The following ADAMTS17 variants were observed in gnomAD, a reference collection of about 807,000 sequenced individuals.
ADAMTS17 encodes the protein A disintegrin and metalloproteinase with thrombospondin motifs 17.
Under a neutral mutation model 141.5 loss-of-function variants are expected in ADAMTS17, and 113 were observed. The ratio of observed to expected loss-of-function variants is 0.80; its 90% confidence interval spans 0.69 to 0.93. The LOEUF (loss-of-function observed/expected upper bound fraction) is 0.93. Ranked by LOEUF, ADAMTS17 falls within the 40% of genes least tolerant of loss-of-function variation. The pLI is 0.00. For missense variants in ADAMTS17, 1,659 were observed against 1,517.9 expected, an observed-to-expected ratio of 1.09 and a Z score of -1.54; for synonymous variants, 768 against 630.6, an observed-to-expected ratio of 1.22 and a Z score of -3.27.
At chr15:100,320,295 G>C (rs74037837) in intron 3 of ADAMTS17, among the ~76,000 whole-genome samples, 1,941 of 152,254 alleles carry the variant, frequency 0.013, 41 homozygotes, top group African/African-American at 0.044. Flanking sequence ...ACGTCTCCAC[G>C]AGAGGGAGGC....
chr15:100,140,484 C>CATATATATATATATATAT (rs1164353969), intron 10 of ADAMTS17, among the ~76,000 whole-genome samples: 456 of 40,662 alleles, frequency 0.011, 6 homozygotes, highest in Middle Eastern at 0.038. Flanking sequence ...CACACACATA[C>CATATATATATATATATAT]ATACATATAT....
At chr15:100,206,366 C>T (rs944973077) in intron 7 of ADAMTS17, among the ~76,000 whole-genome samples, 1 of 152,204 alleles carries the variant, frequency 6.6e-6, no homozygotes, top group Non-Finnish European at 1.5e-5. Flanking sequence ...GCCCAGGACA[C>T]CCCTCCCCTT....
At chr15:100,055,482 C>T (rs1275378066) in intron 15 of ADAMTS17, among the ~76,000 whole-genome samples, 1 of 152,142 alleles carries the variant, frequency 6.6e-6, no homozygotes, top group Non-Finnish European at 1.5e-5. Flanking sequence ...CAGGGCTTCT[C>T]GTGTTAGAGG....
chr15:99,989,346 G>GCCC (rs763136886), intron 20 of ADAMTS17, among the ~76,000 whole-genome samples: 1 of 152,216 alleles, frequency 6.6e-6, no homozygotes, highest in Non-Finnish European at 1.5e-5. Flanking sequence ...CTCCACTCCT[G>GCCC]CCCCGGACCC....
intron 7 of ADAMTS17, among the ~76,000 whole-genome samples, chr15:100,224,564 C>A (rs951711526): frequency 6.6e-6 from 1 of 152,224 alleles, no homozygotes; most frequent in African/African-American, 2.4e-5. Context: ...TGCCATTGTG[C>A]AGAGGCAAAA....
At chr15:100,081,696 G>A (rs1323560960) in intron 15 of ADAMTS17, among the ~76,000 whole-genome samples, 2 of 152,124 alleles carry the variant, frequency 1.3e-5, no homozygotes, top group Non-Finnish European at 1.5e-5. Flanking sequence ...AACACTATAC[G>A]AGAGTAAACG....
intron 3 of ADAMTS17, among the ~76,000 whole-genome samples, chr15:100,283,029 T>C (rs2044334662): frequency 6.6e-6 from 1 of 151,456 alleles, no homozygotes; most frequent in African/African-American, 2.4e-5. Context: ...TCCAGATTTA[T>C]ATAATATGCA....
At position 100,133,321 on chromosome 15, in the gene ADAMTS17, G is replaced by A. The variant is rs745440827; in HGVS notation, c.1474-6C>T. ...AGTCCAGCACACATTAGATGCTGCA[G>A]GACAAGGGAAGGAACCATAATTGTG... is the stretch of plus-strand genomic sequence containing the variant. On this transcript the variant is annotated splice_region_variant and splice_polypyrimidine_tract_variant and intron_variant, in intron 10 of 21. Transcript: ENST00000268070. 3.8e-6 allele frequency: 6 copies of A among 1,574,926 alleles called. No individual in the cohort carries two copies. In the South Asian group the frequency reaches 4.6e-5, roughly 12 times the overall value.
In ADAMTS17 at chr15:100,331,030, C is replaced by G; in HGVS notation, c.475G>C (p.Glu159Gln). Residue 159 changes from glutamate (E) to glutamine (Q), a missense_variant, in exon 3 of 22, where the codon GAG becomes CAG. Physicochemically the swap from Glu to Gln is conservative, Grantham distance 29. Transcript: ENST00000268070. Reference protein sequence around the residue: ...GLVGLIQLGQEQVLIQPLNNS... With the variant: ...GLVGLIQLGQQQVLIQPLNNS... ...TTGAGGGGCTGGATTAGCACCTGCT[C>G]CTGCCCAAGCTGAATGAGGCCAACC... 1.2e-6 allele frequency: 2 copies of G among 1,614,146 alleles called. No individual in the cohort carries two copies.
At position 100,193,498 on chromosome 15, in the gene ADAMTS17, G is replaced by C. The variant is rs566066131; in HGVS notation, c.1181+5820C>G. On this transcript the variant is annotated intron_variant, in intron 8 of 21. Coordinates refer to ENST00000268070, the MANE Select transcript of ADAMTS17 (RefSeq NM_139057.4). ...GCATGGCGGAAAGAGATGGTGGCAG[G>C]AATGTGGGCAAGGCCAGAAAGAGCA... Among the ~76,000 whole-genome samples, 76 of 152,296 alleles carry C rather than the reference G, an allele frequency of 5.0e-4. 1 individual carries two copies. The highest frequency in any genetic ancestry group is 1.7e-3 in the African/African-American group (69 of 41,566).
chr15:100,215,168 T>C (rs980285801), intron 7 of ADAMTS17, among the ~76,000 whole-genome samples: 5 of 152,220 alleles, frequency 3.3e-5, no homozygotes, highest in South Asian at 2.1e-4. Flanking sequence ...TGGAACGCAG[T>C]AGCAATACTA....
intron 15 of ADAMTS17, among the ~76,000 whole-genome samples, chr15:100,080,478 C>T (rs970569036): frequency 2.0e-5 from 3 of 152,242 alleles, no homozygotes; most frequent in Non-Finnish European, 2.9e-5. Context: ...TGGGAAACTA[C>T]AACAGCCCAA....
intron 15 of ADAMTS17, among the ~76,000 whole-genome samples, chr15:100,083,884 G>C (rs1358631987): frequency 1.3e-5 from 2 of 151,764 alleles, no homozygotes; most frequent in African/African-American, 4.8e-5. Context: ...GACCAAATAG[G>C]AACAGCTCCA....
intron 3 of ADAMTS17, among the ~76,000 whole-genome samples, chr15:100,295,459 T>C (rs1054290629): frequency 6.6e-6 from 1 of 152,118 alleles, no homozygotes; most frequent in Non-Finnish European, 1.5e-5. Flanking sequence ...AGGACAACTA[T>C]GGTTCCAGCC....
intron 3 of ADAMTS17, among the ~76,000 whole-genome samples, chr15:100,304,553 C>A (rs1171461893): frequency 2.6e-5 from 4 of 152,142 alleles, no homozygotes; most frequent in Non-Finnish European, 4.4e-5. Context: ...GGGAAGGGTT[C>A]CATCTGCAGG....
chr15:100,227,335 A>AC (rs2042341796), intron 7 of ADAMTS17, among the ~76,000 whole-genome samples: 2 of 872 alleles, frequency 2.3e-3, no homozygotes, highest in Non-Finnish European at 3.7e-3. Flanking sequence ...TTTCCCACCC[A>AC]CATCAGAAAT....
intron 15 of ADAMTS17, 111 bp from the exon 16 acceptor site, chr15:100,054,165 A>AG (rs2032371870): frequency 1.6e-6 from 2 of 1,214,514 alleles, no homozygotes; most frequent in African/African-American, 1.5e-5. Flanking sequence ...TCCCTTCCAC[A>AG]GGGGGAAGGA....
At chr15:100,261,763 C>T in intron 5 of ADAMTS17, 127 bp from the exon 6 acceptor site, 1 of 1,054,040 alleles carries the variant, frequency 9.5e-7, no homozygotes, top group Non-Finnish European at 1.4e-6. Context: ...GACTCACGGC[C>T]CTCGAAGAAA....
intron 7 of ADAMTS17, among the ~76,000 whole-genome samples, chr15:100,214,887 G>A (rs1259477323): frequency 6.6e-6 from 1 of 152,240 alleles, no homozygotes; most frequent in Non-Finnish European, 1.5e-5. Context: ...GTAAAGCTTT[G>A]CTGTTGCACT....
Sources: allele counts gnomAD v4.1 joint callset (sites outside exome capture counted in the v4.1 genomes callset), GRCh38; gene constraint gnomAD v4.1.1; transcripts MANE v1.5; gene names NCBI Gene and HGNC (gene_info 2026-07-23, HGNC 2026-07-21).